LRP2BP: variants seen among roughly 807,000 people sequenced by gnomAD.
The protein encoded by LRP2BP is LRP2 binding protein.
A neutral mutation model predicts 45.2 loss-of-function variants in LRP2BP; 38 were observed. The observed-to-expected ratio is 0.84, with a 90% CI of 0.65 to 1.10. LRP2BP has a LOEUF of 1.10. LRP2BP is among the 50% of genes least tolerant of loss of function. LRP2BP has a pLI of 0.00. For synonymous variants in LRP2BP, 153 were observed against 153.9 expected (o/e 0.99, Z 0.04); for missense variants, 385 against 418.9 (o/e 0.92, Z 0.71).
intron 6 of LRP2BP, among the ~76,000 whole-genome samples, chr4:185,373,530 G>A (rs2095423098): frequency 6.6e-6 from 1 of 152,180 alleles, no homozygotes; most frequent in African/African-American, 2.4e-5. Context: ...CTGTATGTAG[G>A]CTCAAGCACA....
chr4:185,373,167 C>A, intron 6 of LRP2BP, 88 bp from the exon 7 acceptor site: 3 of 1,188,814 alleles, frequency 2.5e-6, no homozygotes, highest in Middle Eastern at 2.0e-4. Context: ...CTCTGTGTTT[C>A]CTAGATAGCA....
Position 185,364,382 on chromosome 4 carries a change from C to A in LRP2BP, c.*2798G>T, listed in dbSNP as rs955182735. The A allele has an allele frequency of 1.3e-5, 2 of 152,104 alleles. No individual in the cohort carries two copies. The highest frequency in any genetic ancestry group is 4.8e-5 in the African/African-American group (2 of 41,420). The allele number at this position is 152,104 out of a possible 1,614,324, so 9.4% of individuals were successfully genotyped here. ...GGGCCATGCACAAGTACTTAATTTT[C>A]CTGGGTTTCACCATCTATTATGCAG... On this transcript the variant is annotated 3_prime_UTR_variant, in exon 9 of 9. Coordinates refer to ENST00000505916, the MANE Select transcript of LRP2BP (RefSeq NM_001377440.1).
rs868012503 is a variant in LRP2BP at position 185,385,910 on chromosome 4, G to T, written c.-21-7703C>A. ...AGCAAGACTCTGTCTCGGGGAGGGG[G>T]GGGGGGAGATAAAGAAATAACATCA... On this transcript the variant is annotated intron_variant, in intron 1 of 8. Transcript: ENST00000505916. Among the ~76,000 whole-genome samples the T allele has an allele frequency of 4.6e-4, 38 of 82,032 alleles. 4 individuals are homozygous for T. The highest frequency in any genetic ancestry group is 2.9e-3 in the Admixed American group (25 of 8,770). The allele number at this position is 82,032 out of a possible 152,430, so 53.8% of individuals were successfully genotyped here.
chr4:185,379,666 CTT>C (rs902650121), intron 1 of LRP2BP, among the ~76,000 whole-genome samples: 1 of 152,154 alleles, frequency 6.6e-6, no homozygotes, highest in African/African-American at 2.4e-5. Context: ...GCCGACAAAA[CTT>C]TACGAAATAA....
At chr4:185,388,255 G>C (rs1389456842) in intron 1 of LRP2BP, among the ~76,000 whole-genome samples, 1 of 152,160 alleles carries the variant, frequency 6.6e-6, no homozygotes, top group East Asian at 1.9e-4. Context: ...GATCTGATGA[G>C]AACGTGTTAG....
At chr4:185,375,798 C>A in intron 3 of LRP2BP, 72 bp from the exon 4 acceptor site, 1 of 922,514 alleles carries the variant, frequency 1.1e-6, no homozygotes, top group South Asian at 1.7e-5. Flanking sequence ...ACCAAGTGGT[C>A]AAGTGTTTGT....
intron 1 of LRP2BP, among the ~76,000 whole-genome samples, chr4:185,388,622 G>C (rs1405460448): frequency 6.6e-6 from 1 of 152,056 alleles, no homozygotes; most frequent in East Asian, 1.9e-4. Flanking sequence ...CACAGCAGTT[G>C]AAAGAAAATG....
upstream of LRP2BP, chr4:185,397,156 G>A: frequency 6.2e-7 from 1 of 1,613,428 alleles, no homozygotes; most frequent in East Asian, 2.2e-5. Context: ...GCAGGTGGAT[G>A]GTCTGAAGCA....
chr4:185,389,990 CATAAACT>C (rs1561094456), intron 1 of LRP2BP, among the ~76,000 whole-genome samples: 1 of 152,190 alleles, frequency 6.6e-6, no homozygotes, highest in Non-Finnish European at 1.5e-5. Flanking sequence ...AGTTTTCTTG[CATAAACT>C]ATGGGCATAA....
At position 185,394,791 on chromosome 4, in the gene LRP2BP, GTTTT is replaced by G. The variant is rs1055643083; in HGVS notation, c.-38_-35del. The G allele has an allele frequency of 2.0e-6, 2 of 984,856 alleles. No individual in the cohort carries two copies. The highest frequency in any genetic ancestry group is 2.4e-6 in the Non-Finnish European group (2 of 829,812). The allele number at this position is 984,856 out of a possible 1,614,324, so 61.0% of individuals were successfully genotyped here. ...TTCGGTCACTTACTCATCATCCAAC[GTTTT>G]TTTTAACACTCGCTGTAAATGGCAT... is the stretch of plus-strand genomic sequence containing the variant. On this transcript the variant is annotated 5_prime_UTR_variant, in exon 1 of 9. It removes the in-frame stop codon of an upstream open reading frame in the 5' UTR. Transcript: ENST00000505916.
At chr4:185,393,210 C>T (rs933746083) in intron 1 of LRP2BP, among the ~76,000 whole-genome samples, 15 of 152,198 alleles carry the variant, frequency 9.9e-5, no homozygotes, top group African/African-American at 3.6e-4. Context: ...GGATTACAGG[C>T]GTGAGCCACT....
intron 1 of LRP2BP, among the ~76,000 whole-genome samples, chr4:185,382,706 G>C (rs753038870): frequency 6.6e-6 from 1 of 152,176 alleles, no homozygotes; most frequent in African/African-American, 2.4e-5. Context: ...GGTTATAATA[G>C]TTCTTTATAT....
upstream of LRP2BP, chr4:185,395,931 C>G (rs2095501087): frequency 2.4e-5 from 24 of 984,494 alleles, no homozygotes; most frequent in Non-Finnish European, 2.9e-5. Flanking sequence ...GTCTAGGGAG[C>G]AGCTCTGACG....
intron 8 of LRP2BP, among the ~76,000 whole-genome samples, chr4:185,369,063 G>A (rs888663015): frequency 6.6e-6 from 1 of 151,956 alleles, no homozygotes; most frequent in Non-Finnish European, 1.5e-5. Flanking sequence ...CAAAGTGCTG[G>A]GATTACAGGC....
intron 8 of LRP2BP, chr4:185,369,854 C>T (rs186154503): frequency 5.0e-6 from 2 of 401,782 alleles, no homozygotes; most frequent in East Asian, 7.7e-5. Flanking sequence ...GTGATTTTAA[C>T]ATGCAGAGAA....
chr4:185,377,849 T>C, intron 2 of LRP2BP: 1 of 429,018 alleles, frequency 2.3e-6, no homozygotes. Flanking sequence ...AAGCATGTCC[T>C]TAAGTCCTGA....
intron 1 of LRP2BP, among the ~76,000 whole-genome samples, chr4:185,388,465 C>A (rs139022357): frequency 6.6e-6 from 1 of 152,194 alleles, no homozygotes; most frequent in Non-Finnish European, 1.5e-5. Context: ...ACCTACCTAA[C>A]CTGCCTAACC....
chr4:185,377,083 G>A, intron 2 of LRP2BP, 65 bp from the exon 3 acceptor site: 2 of 1,149,222 alleles, frequency 1.7e-6, no homozygotes, highest in South Asian at 2.5e-5. Flanking sequence ...TTGAAGTAAT[G>A]AATCATATAA....
chr4:185,394,052 C>A (rs997087083), intron 1 of LRP2BP, among the ~76,000 whole-genome samples: 26 of 152,014 alleles, frequency 1.7e-4, no homozygotes, highest in African/African-American at 6.3e-4. Context: ...GGAGGTCAGG[C>A]GTTTGAGACC....
Sources: gnomAD v4.1 joint callset for allele counts (sites outside exome capture counted in the v4.1 genomes callset) on GRCh38, gnomAD v4.1.1 for gene constraint, MANE v1.5 for transcripts, NCBI Gene and HGNC (gene_info 2026-07-23, HGNC 2026-07-21) for gene names.